Variants in HIBADH observed in about 807,000 individuals in gnomAD.
HIBADH encodes 3-hydroxyisobutyrate dehydrogenase, also known as 3-hydroxyisobutyrate dehydrogenase, mitochondrial.
Under a neutral mutation model 36.1 loss-of-function variants are expected in HIBADH, and 25 were observed. The ratio of observed to expected loss-of-function variants is 0.69; its 90% CI spans 0.50 to 0.97. The LOEUF is 0.97. Ranked by LOEUF, HIBADH falls within the 50% of genes least tolerant of loss-of-function variation. HIBADH has a pLI of 0.00. For synonymous variants in HIBADH, 160 were observed against 149.5 expected, an observed-to-expected ratio of 1.07 and a Z score of -0.51; for missense variants, 421 against 418.0, an observed-to-expected ratio of 1.01 and a Z score of -0.06.
chr7:27,639,917 C>G lies in HIBADH; in HGVS notation c.253-7472G>C, dbSNP rs982696197. On this transcript the variant is annotated intron_variant, in intron 2 of 7. Transcript: ENST00000265395. ...AAGTTTTTATTTCCCTAATAATCCA[C>G]GTACAGTCAAGCAAAAGAGATACGT... Among the ~76,000 whole-genome samples the G allele has an allele frequency of 2.0e-5, 3 of 152,108 alleles. No individual in the cohort carries two copies. The South Asian group carries it at 6.2e-4, about 32-fold the overall frequency.
At chr7:27,642,497 T>C (rs1441475204) in intron 2 of HIBADH, among the ~76,000 whole-genome samples, 2 of 152,190 alleles carry the variant, frequency 1.3e-5, no homozygotes, top group African/African-American at 2.4e-5. Context: ...AGACATTTGG[T>C]AGTTACTCAA....
intron 4 of HIBADH, among the ~76,000 whole-genome samples, chr7:27,593,430 T>C (rs1784977060): frequency 1.3e-5 from 2 of 152,050 alleles, no homozygotes; most frequent in Admixed American, 6.6e-5. Flanking sequence ...CCAGGGCCAA[T>C]GCAGTAACTG....
At chr7:27,617,684 A>C (rs1361981625) in intron 4 of HIBADH, among the ~76,000 whole-genome samples, 1 of 152,214 alleles carries the variant, frequency 6.6e-6, no homozygotes, top group Non-Finnish European at 1.5e-5. Context: ...TATTACAGGA[A>C]AACGGTAAGT....
At position 27,645,377 on chromosome 7, in the gene HIBADH, T is replaced by TGTTTTGTTTTGTTTTG. The variant is rs1277398828; in HGVS notation, c.252+4095_252+4096insCAAAACAAAACAAAAC. 2.7e-3 allele frequency among the ~76,000 whole-genome samples: 341 copies of TGTTTTGTTTTGTTTTG among 125,938 alleles called. 14 individuals carry two copies. Among genetic ancestry groups the TGTTTTGTTTTGTTTTG allele is most frequent in the African/African-American group, 0.011 (330 of 31,018 alleles). The allele number at this position is 125,938 out of a possible 152,430, so 82.6% of individuals were successfully genotyped here. A position where few individuals can be genotyped will look rare whatever the true frequency, so the allele number is the denominator to read the frequency against. On this transcript the variant is annotated intron_variant, in intron 2 of 7. Transcript: ENST00000265395. ...GTGTCTCATGGTTTTGATTTTTTTTTTTTTTTTTTTTTTTTTTTGAGACAG... is the reference window on the plus strand; with the variant it reads ...GTGTCTCATGGTTTTGATTTTTTTTTGTTTTGTTTTGTTTTGTTTTTTTTTTTTTTTTTTGAGACAG...
At chr7:27,595,868 T>C (rs17682155) in intron 4 of HIBADH, among the ~76,000 whole-genome samples, 16,335 of 152,032 alleles carry the variant, frequency 0.11, 1,229 homozygotes, top group Non-Finnish European at 0.16. Context: ...CTAATAAATG[T>C]TCTTAAAATG....
chr7:27,616,051 A>C (rs528926967), intron 4 of HIBADH, among the ~76,000 whole-genome samples: 1 of 152,292 alleles, frequency 6.6e-6, no homozygotes, highest in Non-Finnish European at 1.5e-5. Flanking sequence ...GCTACACAAG[A>C]AGCATGGCAC....
intron 1 of HIBADH, among the ~76,000 whole-genome samples, chr7:27,657,655 T>C (rs975862951): frequency 6.6e-6 from 1 of 152,104 alleles, no homozygotes; most frequent in Non-Finnish European, 1.5e-5. Flanking sequence ...TTCATCTTTC[T>C]CTGTGGCAAA....
At position 27,525,888 on chromosome 7, in the gene HIBADH, T is replaced by TTTTA. The variant is rs1229452927; in HGVS notation, c.*322_*325dup. 1 of 160,324 alleles carries TTTTA rather than the reference T, an allele frequency of 6.2e-6. No individual in the cohort carries two copies. Among genetic ancestry groups the TTTTA allele is most frequent in the Non-Finnish European group, 1.4e-5 (1 of 73,740 alleles). The allele number at this position is 160,324 out of a possible 1,614,324, so 9.9% of individuals were successfully genotyped here. On this transcript the variant is annotated 3_prime_UTR_variant, in exon 8 of 8. Transcript: ENST00000265395. The stretch of plus-strand genomic sequence containing the variant: ...TTCATCCTGTTGACAAAAGATTTGG[T>TTTTA]TTTATTTGTAAAGTAAAGCAGATAA...
intron 2 of HIBADH, among the ~76,000 whole-genome samples, chr7:27,638,322 A>AAAAAAAAAAAAAAAAAAAC (rs1785888792): frequency 6.7e-6 from 1 of 148,688 alleles, no homozygotes; most frequent in Non-Finnish European, 1.5e-5. Context: ...AAAAAAAAAA[A>AAAAAAAAAAAAAAAAAAAC]AAAAAAAACA....
chr7:27,531,086 T>C (rs1583555089), intron 7 of HIBADH, 106 bp downstream of exon 7: 7 of 1,095,104 alleles, frequency 6.4e-6, no homozygotes, highest in South Asian at 5.1e-5. Context: ...TCTAGTAATT[T>C]TGCCTCTTAC....
intron 4 of HIBADH, among the ~76,000 whole-genome samples, chr7:27,594,929 A>C (rs994738882): frequency 6.6e-6 from 1 of 152,208 alleles, no homozygotes; most frequent in Admixed American, 6.5e-5. Context: ...CCCTTCAACT[A>C]AAATAAACTG....
At chr7:27,527,653 G>A (rs1333963207) in intron 7 of HIBADH, among the ~76,000 whole-genome samples, 1 of 151,996 alleles carries the variant, frequency 6.6e-6, no homozygotes, top group Non-Finnish European at 1.5e-5. Flanking sequence ...CCAACAGCAT[G>A]TGCCCAGTTC....
At chr7:27,602,378 C>A (rs951373894) in intron 4 of HIBADH, among the ~76,000 whole-genome samples, 1 of 152,102 alleles carries the variant, frequency 6.6e-6, no homozygotes, top group Admixed American at 6.5e-5. Context: ...TGTGCATTTT[C>A]ACACTTTCCA....
At position 27,526,210 on chromosome 7, in the gene HIBADH, A is replaced by T. The variant is rs762062510; in HGVS notation, c.*4T>A. On this transcript the variant is annotated 3_prime_UTR_variant, in exon 8 of 8. Coordinates refer to ENST00000265395, the MANE Select transcript of HIBADH (RefSeq NM_152740.4). ...CCAACAGTGTCCGTGGCCAAAGGGC[A>T]CACTCAGAAGGTCTCCTCCTCTCGT... The T allele has an allele frequency of 4.4e-6, 7 of 1,604,286 alleles. No homozygotes were observed. Among genetic ancestry groups the T allele is most frequent in the Non-Finnish European group, 6.0e-6 (7 of 1,175,860 alleles).
intron 4 of HIBADH, among the ~76,000 whole-genome samples, chr7:27,597,767 A>C (rs1369664628): frequency 2.0e-5 from 3 of 152,218 alleles, no homozygotes; most frequent in African/African-American, 7.2e-5. Context: ...AATACCTATA[A>C]GATAGAAAAT....
At position 27,634,026 on chromosome 7, in the gene HIBADH, C is replaced by A. The variant is rs531629661; in HGVS notation, c.253-1581G>T. Among the ~76,000 whole-genome samples, 3 of 152,302 alleles carry A rather than the reference C, an allele frequency of 2.0e-5. No homozygotes were observed. In the East Asian group the frequency reaches 5.8e-4, roughly 29 times the overall value. Reference sequence around the variant, plus strand: ...AAATATTAAGAGCTAGAAGTAATTACATTTCAGTTTTCCACAAGAGACTAT... The same window carrying A: ...AAATATTAAGAGCTAGAAGTAATTAAATTTCAGTTTTCCACAAGAGACTAT... On this transcript the variant is annotated intron_variant, in intron 2 of 7. Coordinates refer to ENST00000265395, the MANE Select transcript of HIBADH (RefSeq NM_152740.4).
At chr7:27,560,551 T>C (rs933972795) in intron 4 of HIBADH, among the ~76,000 whole-genome samples, 2 of 152,248 alleles carry the variant, frequency 1.3e-5, no homozygotes, top group Admixed American at 1.3e-4. Flanking sequence ...TAGTGTATAT[T>C]GTACCCAAAA....
At chr7:27,562,256 G>A (rs779380203) in intron 4 of HIBADH, among the ~76,000 whole-genome samples, 13 of 151,912 alleles carry the variant, frequency 8.6e-5, no homozygotes, top group South Asian at 2.1e-4. Context: ...ATTTCACCAT[G>A]CATACTTGAA....
intron 4 of HIBADH, among the ~76,000 whole-genome samples, chr7:27,579,781 G>A (rs1457501107): frequency 6.6e-6 from 1 of 152,156 alleles, no homozygotes; most frequent in Non-Finnish European, 1.5e-5. Context: ...AAATGACCTA[G>A]CTGAGTTCTA....
Sources: gnomAD v4.1 joint callset for allele counts (sites outside exome capture counted in the v4.1 genomes callset) on GRCh38, gnomAD v4.1.1 for gene constraint, MANE v1.5 for transcripts, NCBI Gene and HGNC (gene_info 2026-07-23, HGNC 2026-07-21) for gene names.